Variants in DLG3 observed in about 807,000 individuals in gnomAD.
DLG3 encodes the protein disks large homolog 3.
DLG3 carries 1 observed loss-of-function variant against 64.1 expected under a neutral mutation model. The ratio of observed to expected loss-of-function variants is 0.02; its 90% CI spans 0.01 to 0.07. DLG3 has a LOEUF of 0.07. Among genes scored for constraint, DLG3 ranks in the 10% least tolerant of loss-of-function variants. The pLI is 1.00. For synonymous variants in DLG3, 245 were observed against 259.8 expected (o/e 0.94, Z 0.55); for missense variants, 429 against 669.5 (o/e 0.64, Z 3.96).
rs2086601657 is a variant in DLG3 at position 70,449,953 on chromosome X, C to T, written c.703+94C>T. On this transcript the variant is annotated intron_variant, in intron 4 of 18. Transcript: ENST00000374360. ...GAATTGGAAGGGAATGGCCTTACTCCTTGCCTGACTCCCCCTGTTCCAACT... is the reference window on the plus strand; with the variant it reads ...GAATTGGAAGGGAATGGCCTTACTCTTTGCCTGACTCCCCCTGTTCCAACT... The T allele has an allele frequency of 6.6e-6, 7 of 1,054,694 alleles. No homozygotes were observed. In the South Asian group the frequency reaches 1.4e-4, roughly 21 times the overall value. 86.9% of individuals were successfully genotyped at this position (1,054,694 alleles called of 1,213,427 possible). A position where few individuals can be genotyped will look rare whatever the true frequency, so the allele number is the denominator to read the frequency against.
intron 16 of DLG3, 118 bp from the exon 17 acceptor site, chrX:70,500,353 G>C (rs56168725): frequency 2.9e-3 from 1,746 of 611,543 alleles, no homozygotes; most frequent in Non-Finnish European, 4.1e-3. Flanking sequence ...GGTGGCCCTC[G>C]TGCCCCTCCC....
chrX:70,491,508 A>G lies in DLG3; in HGVS notation c.1521-599A>G, dbSNP rs954619281. Among the ~76,000 whole-genome samples, 7 of 112,571 alleles carry G rather than the reference A, an allele frequency of 6.2e-5. No individual in the cohort carries two copies. In the Admixed American group the frequency reaches 6.6e-4, roughly 11 times the overall value. On this transcript the variant is annotated intron_variant, in intron 10 of 18. Coordinates refer to ENST00000374360, the MANE Select transcript of DLG3 (RefSeq NM_021120.4). The stretch of plus-strand genomic sequence containing the variant: ...CCCAGGTTGGTTAGATGTATGACCT[A>G]GGTCAAACTATTTTTTCCTCCCTGA...
chrX:70,485,296 G>A (rs1450242503), intron 10 of DLG3, among the ~76,000 whole-genome samples: 1 of 111,746 alleles, frequency 8.9e-6, no homozygotes, highest in African/African-American at 3.3e-5. Context: ...CCACTTTGGC[G>A]GTGTAATATG....
At chrX:70,501,415 G>GTC (rs780724267) in intron 18 of DLG3, among the ~76,000 whole-genome samples, 25 of 104,703 alleles carry the variant, frequency 2.4e-4, no homozygotes, top group Non-Finnish European at 1.6e-4. Flanking sequence ...CTGTCTGTCT[G>GTC]TGTGTGTGTG....
At chrX:70,494,112 C>T (rs1327837833) in intron 12 of DLG3, among the ~76,000 whole-genome samples, 1 of 112,429 alleles carries the variant, frequency 8.9e-6, no homozygotes, top group Non-Finnish European at 1.9e-5. Context: ...AGGAGTGTTG[C>T]TCCACATTGT....
chrX:70,453,293 T>C (rs957383522), intron 7 of DLG3: 73 of 223,018 alleles, frequency 3.3e-4, no homozygotes, highest in Non-Finnish European at 4.2e-4. Context: ...CACGGGTTGG[T>C]AGGATAGGAG....
At chrX:70,461,499 C>G (rs2086799600) in intron 9 of DLG3, among the ~76,000 whole-genome samples, 1 of 109,719 alleles carries the variant, frequency 9.1e-6, no homozygotes, top group Non-Finnish European at 1.9e-5. Flanking sequence ...TTTGTGTGCT[C>G]GGGGGGTTTA....
At position 70,453,807 on chromosome X, in the gene DLG3, G is replaced by A; in HGVS notation, c.1302+14G>A. The A allele has an allele frequency of 8.6e-7, 1 of 1,169,030 alleles. No homozygotes were observed. Among genetic ancestry groups the A allele is most frequent in the South Asian group, 2.0e-5 (1 of 50,352 alleles). On this transcript the variant is annotated intron_variant, in intron 8 of 18. Coordinates refer to ENST00000374360, the MANE Select transcript of DLG3 (RefSeq NM_021120.4). ...CGGATCTTATCGGTGAGGAGACAAA[G>A]GAGAGGTGGGAGGATGGGAACTGTG...
intron 9 of DLG3, 93 bp from the exon 10 acceptor site, chrX:70,479,057 G>A (rs764077260): frequency 9.9e-6 from 8 of 807,769 alleles, no homozygotes; most frequent in Non-Finnish European, 3.8e-6. Context: ...TTTAAGCCAA[G>A]GGGCCTTCTG....
chrX:70,447,022 C>G (rs1159933698), intron 1 of DLG3, among the ~76,000 whole-genome samples: 1 of 112,130 alleles, frequency 8.9e-6, no homozygotes, highest in Admixed American at 9.4e-5. Flanking sequence ...CAGCGAGTCC[C>G]TCTCTCTCCT....
At chrX:70,457,374 C>T (rs1307473913) in intron 9 of DLG3, among the ~76,000 whole-genome samples, 1 of 111,631 alleles carries the variant, frequency 9.0e-6, no homozygotes, top group Non-Finnish European at 1.9e-5. Flanking sequence ...GGCACCTTTG[C>T]CAAACCAGTG....
intron 9 of DLG3, among the ~76,000 whole-genome samples, chrX:70,458,378 T>G (rs1036927119): frequency 3.6e-5 from 4 of 112,431 alleles, no homozygotes; most frequent in Non-Finnish European, 5.6e-5. Context: ...TTAGGACAAT[T>G]GCTTCCTAAT....
chrX:70,457,565 G>A (rs184226442), intron 9 of DLG3, among the ~76,000 whole-genome samples: 1 of 107,320 alleles, frequency 9.3e-6, no homozygotes, highest in Admixed American at 9.9e-5. Context: ...ACCACAGTAC[G>A]TTTTAGGACT....
At chrX:70,453,584 G>A in intron 7 of DLG3, 53 bp from the exon 8 acceptor site, 1 of 1,195,670 alleles carries the variant, frequency 8.4e-7, no homozygotes. Flanking sequence ...GGCCCTCAAA[G>A]GACAACAGTC....
chrX:70,451,338 T>G lies in DLG3; in HGVS notation c.986-529T>G, dbSNP rs1328212607. On this transcript the variant is annotated intron_variant, in intron 6 of 18. Transcript: ENST00000374360. The stretch of plus-strand genomic sequence containing the variant: ...GGATGGTCTCGATCTCCTGACCTCG[T>G]GATCCACCCACCTCGGCCTCCCAAA... 3.6e-5 allele frequency among the ~76,000 whole-genome samples: 4 copies of G among 111,257 alleles called. No homozygotes were observed. In the Admixed American group the frequency reaches 3.8e-4, roughly 11 times the overall value.
At position 70,498,530 on chromosome X, in the gene DLG3, G is replaced by C. The variant is rs781677957; in HGVS notation, c.1830G>C (p.Glu610Asp). Residue 610 changes from glutamate to aspartate, a missense_variant, in exon 14 of 19, where the codon GAG (glutamate) becomes GAC (aspartate). Physicochemically the swap from Glu to Asp is conservative, Grantham distance 45. Coordinates refer to ENST00000374360, the MANE Select transcript of DLG3 (RefSeq NM_021120.4). The part of the protein sequence containing the change: ...YYGAKNLKGQ[E>D]DAILSYEPVT... ...TCTTTTTTGTTGCAGAAGGACAAGA[G>C]GATGCTATTTTGTCATATGAGCCAG... 2 of 1,210,126 alleles carry C rather than the reference G, an allele frequency of 1.7e-6. No homozygotes were observed. The highest frequency in any genetic ancestry group is 2.2e-6 in the Non-Finnish European group (2 of 894,595).
At chrX:70,453,551 A>G (rs1263319684) in intron 7 of DLG3, 86 bp from the exon 8 acceptor site, 41 of 1,156,841 alleles carry the variant, frequency 3.5e-5, no homozygotes, top group Non-Finnish European at 4.7e-5. Flanking sequence ...TCCCTACAGC[A>G]AGTATGGACC....
At chrX:70,456,763 T>TC (rs373092215) in intron 9 of DLG3, among the ~76,000 whole-genome samples, 3 of 108,257 alleles carry the variant, frequency 2.8e-5, no homozygotes, top group Non-Finnish European at 5.8e-5. Flanking sequence ...TTTTTTTTTT[T>TC]CCCCTTTTGA....
intron 13 of DLG3, among the ~76,000 whole-genome samples, chrX:70,497,596 C>G (rs1179482387): frequency 1.8e-5 from 2 of 112,252 alleles, no homozygotes; most frequent in Non-Finnish European, 3.8e-5. Context: ...TGCCCTAAAT[C>G]TGCCTTTCCA....
Sources: gnomAD v4.1 joint callset for allele counts (sites outside exome capture counted in the v4.1 genomes callset) on GRCh38, gnomAD v4.1.1 for gene constraint, MANE v1.5 for transcripts, NCBI Gene and HGNC (gene_info 2026-07-23, HGNC 2026-07-21) for gene names.